Variants in NOS1AP observed in about 807,000 individuals in gnomAD.
The protein encoded by NOS1AP is carboxyl-terminal PDZ ligand of neuronal nitric oxide synthase protein.
In NOS1AP, 21 loss-of-function variants were observed where a neutral mutation model predicts 56.2. The observed-to-expected ratio is 0.37, with a 90% CI of 0.26 to 0.54. The LOEUF (loss-of-function observed/expected upper bound fraction) is 0.54, where lower values mean the gene tolerates loss of function less well. Among genes scored for constraint, NOS1AP ranks in the 20% least tolerant of loss-of-function variants. The pLI, the probability that NOS1AP is intolerant of heterozygous loss-of-function variation, is 0.84. For synonymous variants in NOS1AP, 270 were observed against 274.6 expected, an observed-to-expected ratio of 0.98 and a Z score of 0.17; for missense variants, 522 against 657.8, an observed-to-expected ratio of 0.79 and a Z score of 2.26.
At chr1:162,279,600 T>G (rs1489169491) in intron 2 of NOS1AP, among the ~76,000 whole-genome samples, 1 of 152,254 alleles carries the variant, frequency 6.6e-6, no homozygotes, top group Non-Finnish European at 1.5e-5. Context: ...TCACTGGTAT[T>G]TCATACCCTT....
chr1:162,268,321 C>CTG (rs1654488445), intron 2 of NOS1AP, among the ~76,000 whole-genome samples: 1 of 151,692 alleles, frequency 6.6e-6, no homozygotes, highest in African/African-American at 2.4e-5. Context: ...GCTCCCCCCC[C>CTG]CTATTTCTAG....
At chr1:162,125,992 C>G (rs1407623035) in intron 1 of NOS1AP, among the ~76,000 whole-genome samples, 1 of 151,928 alleles carries the variant, frequency 6.6e-6, no homozygotes, top group Non-Finnish European at 1.5e-5. Context: ...CTTTCACCTC[C>G]TTGGTTAAAT....
chr1:162,183,220 A>G (rs909527475), intron 2 of NOS1AP, among the ~76,000 whole-genome samples: 6 of 152,222 alleles, frequency 3.9e-5, no homozygotes, highest in African/African-American at 1.4e-4. Flanking sequence ...TGTTAATGAC[A>G]GTAATATTTT....
At chr1:162,248,806 T>C (rs1291507390) in intron 2 of NOS1AP, among the ~76,000 whole-genome samples, 3 of 152,168 alleles carry the variant, frequency 2.0e-5, no homozygotes, top group African/African-American at 4.8e-5. Context: ...CTTTGGAGAT[T>C]AGAGGTTTTG....
intron 1 of NOS1AP, among the ~76,000 whole-genome samples, chr1:162,148,957 C>G (rs112316679): frequency 2.0e-4 from 30 of 152,214 alleles, no homozygotes; most frequent in African/African-American, 6.5e-4. Flanking sequence ...GGGGATGACT[C>G]AAGTTTCATG....
intron 2 of NOS1AP, among the ~76,000 whole-genome samples, chr1:162,236,566 G>A (rs1653298380): frequency 6.6e-6 from 1 of 152,150 alleles, no homozygotes; most frequent in South Asian, 2.1e-4. Flanking sequence ...CTTCTGTTAA[G>A]CCATGAGGAA....
At chr1:162,074,246 G>T (rs1197517176) in intron 1 of NOS1AP, among the ~76,000 whole-genome samples, 1 of 152,162 alleles carries the variant, frequency 6.6e-6, no homozygotes, top group East Asian at 1.9e-4. Flanking sequence ...CACTTACTAT[G>T]TGCCATACAT....
chr1:162,119,681 C>T (rs184113891), intron 1 of NOS1AP, among the ~76,000 whole-genome samples: 5 of 152,236 alleles, frequency 3.3e-5, no homozygotes, highest in African/African-American at 9.6e-5. Context: ...CGTAGTCTCC[C>T]TAATTCTTTA....
In NOS1AP at chr1:162,241,240, T is replaced by G. The variant is rs570534414; in HGVS notation, c.178-46104T>G. Among the ~76,000 whole-genome samples the G allele has an allele frequency of 3.3e-5, 5 of 152,190 alleles. No individual in the cohort carries two copies. The East Asian group carries it at 9.7e-4, about 30-fold the overall frequency. ...AGAGGAGAGGTGGGAAAGAGCATTC[T>G]AGGTAGAACCATAATCACCAACACT... On this transcript the variant is annotated intron_variant, in intron 2 of 9. Coordinates refer to ENST00000361897, the MANE Select transcript of NOS1AP (RefSeq NM_014697.3).
chr1:162,357,473 G>C (rs1299017800), intron 8 of NOS1AP, among the ~76,000 whole-genome samples: 1 of 152,064 alleles, frequency 6.6e-6, no homozygotes, highest in Non-Finnish European at 1.5e-5. Context: ...CTGATATTTG[G>C]GGTGGAAAGT....
At chr1:162,190,851 A>G (rs1224440092) in intron 2 of NOS1AP, among the ~76,000 whole-genome samples, 1 of 152,126 alleles carries the variant, frequency 6.6e-6, no homozygotes, top group East Asian at 1.9e-4. Context: ...TGTGAGTGAG[A>G]ACATGCAGTG....
At chr1:162,075,783 T>C (rs898967491) in intron 1 of NOS1AP, among the ~76,000 whole-genome samples, 1 of 151,830 alleles carries the variant, frequency 6.6e-6, no homozygotes, top group Non-Finnish European at 1.5e-5. Flanking sequence ...ACTTTTTTTT[T>C]TGGTGGGGGG....
intron 4 of NOS1AP, among the ~76,000 whole-genome samples, chr1:162,311,124 C>T (rs1405959341): frequency 2.0e-5 from 3 of 152,132 alleles, no homozygotes; most frequent in African/African-American, 7.2e-5. Flanking sequence ...TCCTGCAGGT[C>T]CTCATGGCCT....
intron 5 of NOS1AP, among the ~76,000 whole-genome samples, chr1:162,342,042 G>A (rs1392309091): frequency 6.6e-6 from 1 of 152,212 alleles, no homozygotes; most frequent in Non-Finnish European, 1.5e-5. Context: ...CACACTGCAA[G>A]CCTATGGTAT....
chr1:162,081,774 A>ATATATATATATATTTTTTTTTTTTTT, intron 1 of NOS1AP, among the ~76,000 whole-genome samples: 6 of 44,054 alleles, frequency 1.4e-4, no homozygotes, highest in African/African-American at 3.1e-4. Context: ...ATATATATAT[A>ATATATATATATATTTTTTTTTTTTTT]TTTTTTTTTT....
At chr1:162,109,772 A>G (rs916281082) in intron 1 of NOS1AP, among the ~76,000 whole-genome samples, 1 of 152,052 alleles carries the variant, frequency 6.6e-6, no homozygotes, top group African/African-American at 2.4e-5. Flanking sequence ...CAGAATGCAC[A>G]CTGGGTATCT....
At chr1:162,339,541 G>T (rs1386479885) in intron 5 of NOS1AP, among the ~76,000 whole-genome samples, 1 of 152,212 alleles carries the variant, frequency 6.6e-6, no homozygotes, top group Admixed American at 6.5e-5. Context: ...GTCTCCAAAG[G>T]CCTGTATGTC....
Position 162,070,113 on chromosome 1 carries a change from C to A in NOS1AP, c.-65C>A. 7.5e-7 allele frequency: 1 copy of A among 1,329,358 alleles called. No homozygotes were observed. Among genetic ancestry groups the A allele is most frequent in the Non-Finnish European group, 1.1e-6 (1 of 924,302 alleles). 82.3% of individuals were successfully genotyped at this position (1,329,358 alleles called of 1,614,324 possible). ...GCGCCCAGCTCCAGTCTCCCCTCCC[C>A]GGGGTCTCGCCAGCCCCTTCCTGCA... On this transcript the variant is annotated 5_prime_UTR_variant, in exon 1 of 10. Coordinates refer to ENST00000361897, the MANE Select transcript of NOS1AP (RefSeq NM_014697.3).
intron 8 of NOS1AP, among the ~76,000 whole-genome samples, chr1:162,357,479 A>G (rs1657742023): frequency 1.3e-5 from 2 of 152,184 alleles, no homozygotes; most frequent in Non-Finnish European, 2.9e-5. Context: ...TTTGGGGTGG[A>G]AAGTGATGCC....
Sources: gnomAD v4.1 joint callset for allele counts (sites outside exome capture counted in the v4.1 genomes callset) on GRCh38, gnomAD v4.1.1 for gene constraint, MANE v1.5 for transcripts, NCBI Gene and HGNC (gene_info 2026-07-23, HGNC 2026-07-21) for gene names.